RBBP5: variants seen among roughly 807,000 people sequenced by gnomAD.
RBBP5 encodes the protein RB binding protein 5, histone lysine methyltransferase complex subunit.
A neutral mutation model predicts 72.2 loss-of-function variants in RBBP5; 5 were observed. That is an observed-to-expected ratio of 0.07 (90% CI 0.04 to 0.15). The LOEUF (loss-of-function observed/expected upper bound fraction) is 0.15. Among genes scored for constraint, RBBP5 ranks in the 10% least tolerant of loss-of-function variants. The pLI is 1.00. For synonymous variants in RBBP5, 209 were observed against 237.2 expected, an observed-to-expected ratio of 0.88 and a Z score of 1.09; for missense variants, 322 against 652.2, an observed-to-expected ratio of 0.49 and a Z score of 5.51.
intron 12 of RBBP5, 92 bp from the exon 13 acceptor site, chr1:205,095,156 G>T: frequency 8.5e-7 from 1 of 1,182,232 alleles, no homozygotes; most frequent in Non-Finnish European, 1.2e-6. Context: ...GTTGCTTTGT[G>T]TCCCAGATCA....
intron 13 of RBBP5, 93 bp downstream of exon 13, chr1:205,094,780 G>C: frequency 7.6e-7 from 1 of 1,322,408 alleles, no homozygotes; most frequent in South Asian, 1.5e-5. Flanking sequence ...CGAGGGAAGA[G>C]AGGGGGAAAA....
At chr1:205,107,201 G>T (rs1432402698) in intron 3 of RBBP5, among the ~76,000 whole-genome samples, 1 of 152,092 alleles carries the variant, frequency 6.6e-6, no homozygotes, top group Non-Finnish European at 1.5e-5. Flanking sequence ...AATACAGACT[G>T]GGATGTTAAG....
In RBBP5 at chr1:205,096,125, G is replaced by A. The variant is rs373414129; in HGVS notation, c.1396+557C>T. ...GGAGAATTGATTGAACCCGGGAGGC[G>A]GAGGTTGCAGTGAACCAAGATCATG... On this transcript the variant is annotated intron_variant, in intron 12 of 13. Coordinates refer to ENST00000264515, the MANE Select transcript of RBBP5 (RefSeq NM_005057.4). 4.9e-4 allele frequency among the ~76,000 whole-genome samples: 74 copies of A among 152,160 alleles called. No homozygotes were observed. The South Asian group carries it at 7.7e-3, about 16-fold the overall frequency.
At chr1:205,109,958 G>C (rs1223469610) in intron 3 of RBBP5, among the ~76,000 whole-genome samples, 2 of 151,988 alleles carry the variant, frequency 1.3e-5, no homozygotes, top group Non-Finnish European at 2.9e-5. Flanking sequence ...CTCTGCTTGG[G>C]AGCTCCTCTC....
At chr1:205,109,136 T>C (rs1206845627) in intron 3 of RBBP5, among the ~76,000 whole-genome samples, 2 of 152,104 alleles carry the variant, frequency 1.3e-5, no homozygotes, top group Non-Finnish European at 2.9e-5. Context: ...AGAATACCTG[T>C]AGTCAGGCAA....
chr1:205,095,496 T>C (rs1655576734), intron 12 of RBBP5, among the ~76,000 whole-genome samples: 1 of 152,216 alleles, frequency 6.6e-6, no homozygotes, highest in Admixed American at 6.5e-5. Context: ...CCCTGGCTTA[T>C]ATGTTCATGC....
chr1:205,092,507 C>T (rs918656898), intron 13 of RBBP5, among the ~76,000 whole-genome samples: 2 of 151,968 alleles, frequency 1.3e-5, no homozygotes, highest in East Asian at 1.9e-4. Flanking sequence ...AGTGCAACGG[C>T]GTGATCATAG....
rs117465111 is a variant in RBBP5 at position 205,104,145 on chromosome 1, G to C, written c.360-126C>G. On this transcript the variant is annotated intron_variant, in intron 4 of 13. Transcript: ENST00000264515. ...CCCACCCAAGCAAATTTGAAACAGT[G>C]AAAAAGCATAAAATCCACAGGTCTA... 6.6e-4 allele frequency: 651 copies of C among 986,542 alleles called. 7 individuals are homozygous for C. In the East Asian group the frequency reaches 0.013, roughly 19 times the overall value. The allele number at this position is 986,542 out of a possible 1,614,324, so 61.1% of individuals were successfully genotyped here.
At chr1:205,117,211 T>C (rs1219523969) in intron 1 of RBBP5, among the ~76,000 whole-genome samples, 3 of 151,880 alleles carry the variant, frequency 2.0e-5, no homozygotes, top group Non-Finnish European at 4.4e-5. Flanking sequence ...TGTGGCACCA[T>C]GCCCGGCTAA....
chr1:205,113,434 T>C (rs1400475134), intron 3 of RBBP5, among the ~76,000 whole-genome samples: 4 of 151,946 alleles, frequency 2.6e-5, no homozygotes, highest in South Asian at 4.1e-4. Flanking sequence ...ATGTGCACCA[T>C]ACACCCAGCT....
At chr1:205,119,060 A>C (rs1656638755) in intron 1 of RBBP5, among the ~76,000 whole-genome samples, 1 of 152,050 alleles carries the variant, frequency 6.6e-6, no homozygotes, top group Admixed American at 6.6e-5. Context: ...TATCTTTCGG[A>C]CCCAGGCTTC....
chr1:205,105,192 T>C, intron 3 of RBBP5, 24 bp from the exon 4 acceptor site: 4 of 1,600,780 alleles, frequency 2.5e-6, no homozygotes, highest in Non-Finnish European at 2.6e-6. Flanking sequence ...AGGGGTAATT[T>C]AGCACATATT....
At position 205,093,479 on chromosome 1, in the gene RBBP5, AATATATATATATATATATATATATATAT is replaced by A. The variant is rs1204598107; in HGVS notation, c.1588+1366_1588+1393del. Among the ~76,000 whole-genome samples the A allele has an allele frequency of 7.9e-3, 62 of 7,838 alleles. 2 individuals carry two copies. Among genetic ancestry groups the A allele is most frequent in the South Asian group, 0.05 (2 of 40 alleles). The allele number at this position is 7,838 out of a possible 152,430, so 5.1% of individuals were successfully genotyped here. Reference sequence around the variant, plus strand: ...GTTTCAAAAAAAAAAAAAAAAAAAAAATATATATATATATATATATATATATATATATATATATATATATATATATATA... The same window carrying A: ...GTTTCAAAAAAAAAAAAAAAAAAAAAATATATATATATATATATATATATA... On this transcript the variant is annotated intron_variant, in intron 13 of 13. Coordinates refer to ENST00000264515, the MANE Select transcript of RBBP5 (RefSeq NM_005057.4).
At chr1:205,093,521 TATATATATATATACACACAC>T (rs1558570474) in intron 13 of RBBP5, among the ~76,000 whole-genome samples, 1 of 21,586 alleles carries the variant, frequency 4.6e-5, no homozygotes, top group African/African-American at 3.9e-4. Flanking sequence ...TATATATATA[TATATATATATATACACACAC>T]ACACACACAC....
At position 205,087,587 on chromosome 1, in the gene RBBP5, T is replaced by A. The variant is rs557256309; in HGVS notation, c.*1200A>T. 2 of 146,834 alleles carry A rather than the reference T, an allele frequency of 1.4e-5. No individual in the cohort carries two copies. Among genetic ancestry groups the A allele is most frequent in the East Asian group, 4.0e-4 (2 of 5,044 alleles). The allele number at this position is 146,834 out of a possible 1,614,324, so 9.1% of individuals were successfully genotyped here. On this transcript the variant is annotated 3_prime_UTR_variant, in exon 14 of 14. Coordinates refer to ENST00000264515, the MANE Select transcript of RBBP5 (RefSeq NM_005057.4). The stretch of plus-strand genomic sequence containing the variant: ...AAAAAAAAAAAAAAGACGATCCAGA[T>A]TAAGCACTTCCAGTCAGCTAAAAAC...
intron 3 of RBBP5, among the ~76,000 whole-genome samples, chr1:205,113,982 G>T (rs886375866): frequency 4.6e-5 from 7 of 152,196 alleles, no homozygotes; most frequent in African/African-American, 1.7e-4. Flanking sequence ...ACCGCGCCTG[G>T]CCCTATTTGA....
At chr1:205,105,757 G>A (rs1656037277) in intron 3 of RBBP5, among the ~76,000 whole-genome samples, 1 of 152,192 alleles carries the variant, frequency 6.6e-6, no homozygotes, top group African/African-American at 2.4e-5. Flanking sequence ...TCCCCGTTCT[G>A]GGTGAAGGAG....
At position 205,097,403 on chromosome 1, in the gene RBBP5, A is replaced by G; in HGVS notation, c.1097-8T>C. 1.3e-6 allele frequency: 2 copies of G among 1,552,240 alleles called. No individual in the cohort carries two copies. Among genetic ancestry groups the G allele is most frequent in the Non-Finnish European group, 1.7e-6 (2 of 1,147,166 alleles). ...CTTCTGCAGCATCAGCCCCTGCAGG[A>G]CAGAAACACAGGAGATGTTTGAGAA... On this transcript the variant is annotated splice_polypyrimidine_tract_variant and splice_region_variant and intron_variant, in intron 10 of 13. Transcript: ENST00000264515.
At position 205,101,585 on chromosome 1, in the gene RBBP5, T is replaced by A; in HGVS notation, c.632+15A>T. 1 of 1,579,602 alleles carries A rather than the reference T, an allele frequency of 6.3e-7. No individual in the cohort carries two copies. Among genetic ancestry groups the A allele is most frequent in the Non-Finnish European group, 8.7e-7 (1 of 1,152,966 alleles). On this transcript the variant is annotated intron_variant, in intron 6 of 13. Coordinates refer to ENST00000264515, the MANE Select transcript of RBBP5 (RefSeq NM_005057.4). ...ACTCTTAAAACTGTCCCTTAAAAGGTAAGATCTCACTCACCTCCCCTTCCG... is the reference window on the plus strand; with the variant it reads ...ACTCTTAAAACTGTCCCTTAAAAGGAAAGATCTCACTCACCTCCCCTTCCG...
Sources: allele counts gnomAD v4.1 joint callset (sites outside exome capture counted in the v4.1 genomes callset), GRCh38; gene constraint gnomAD v4.1.1; transcripts MANE v1.5; gene names NCBI Gene and HGNC (gene_info 2026-07-23, HGNC 2026-07-21).